The following BIN1 variants were observed in gnomAD, a reference collection of about 807,000 sequenced individuals.
BIN1 encodes bridging integrator 1.
A neutral mutation model predicts 82.0 loss-of-function variants in BIN1; 53 were observed. That is an observed-to-expected ratio of 0.65 (90% CI 0.52 to 0.81). The LOEUF is 0.81. Ranked by LOEUF, BIN1 falls within the 40% of genes least tolerant of loss-of-function variation. The pLI is 0.00. For missense variants in BIN1, 642 were observed against 784.4 expected (o/e 0.82, Z 2.17); for synonymous variants, 302 against 328.0 (o/e 0.92, Z 0.86).
rs974115762 is a variant in BIN1 at position 127,063,609 on chromosome 2, C to T, written c.736G>A (p.Ala246Thr). ...GFYVNTFQSIAGLEENFHKEM... is the reference protein window; with the variant it reads ...GFYVNTFQSITGLEENFHKEM... ...TTGTGGAAGTTTTCCTCCAGGCCCG[C>T]GATGCTCTGGAACGTGTTGACGTAG... is the stretch of plus-strand genomic sequence containing the variant. Residue 246 changes from alanine to threonine, a missense_variant, in exon 9 of 19, where the codon GCG becomes ACG. Physicochemically the swap from Ala to Thr is moderately conservative, Grantham distance 58. Transcript: ENST00000316724. The T allele has an allele frequency of 2.5e-6, 4 of 1,613,996 alleles. No individual in the cohort carries two copies. The highest frequency in any genetic ancestry group is 3.4e-6 in the Non-Finnish European group (4 of 1,179,974).
At chr2:127,085,531 T>G (rs1376257553) in intron 1 of BIN1, among the ~76,000 whole-genome samples, 5 of 150,946 alleles carry the variant, frequency 3.3e-5, no homozygotes, top group Non-Finnish European at 7.4e-5. Flanking sequence ...CTGGGCACAG[T>G]AGGAAAGTGG....
intron 14 of BIN1, 200 bp from the exon 15 acceptor site, chr2:127,052,562 G>A (rs1194334807): frequency 3.3e-6 from 2 of 598,184 alleles, no homozygotes; most frequent in Non-Finnish European, 6.0e-6. Context: ...AGGCAGGTGT[G>A]ACTGTGCTGC....
intron 15 of BIN1, 85 bp downstream of exon 15, chr2:127,052,170 G>T: frequency 7.2e-7 from 1 of 1,393,552 alleles, no homozygotes; most frequent in Non-Finnish European, 9.9e-7. Context: ...GGTCCCTCCT[G>T]CAACCCCTCC....
At chr2:127,069,931 G>T in intron 5 of BIN1, 64 bp downstream of exon 5, 2 of 1,542,434 alleles carry the variant, frequency 1.3e-6, no homozygotes, top group Non-Finnish European at 8.9e-7. Flanking sequence ...CACGTCCTAG[G>T]CCCTGTCCTC....
chr2:127,069,923 C>T (rs578076705), intron 5 of BIN1, 72 bp downstream of exon 5: 21 of 1,510,634 alleles, frequency 1.4e-5, no homozygotes, highest in African/African-American at 6.9e-5. Context: ...CTGAGCCGCA[C>T]GTCCTAGGCC....
intron 1 of BIN1, chr2:127,081,903 T>C: frequency 1.6e-6 from 2 of 1,276,154 alleles, no homozygotes; most frequent in Non-Finnish European, 2.0e-6. Flanking sequence ...GTCTCGCCCC[T>C]TCCTCCCAGC....
At position 127,048,537 on chromosome 2, in the gene BIN1, T is replaced by A; in HGVS notation, c.1771A>T (p.Arg591Trp). ...CCTGGGCCCCGCCGTCATGGGACCCTCTCAGTGAAGTTCTCGGGGAAGACG... is the reference window on the plus strand; with the variant it reads ...CCTGGGCCCCGCCGTCATGGGACCCACTCAGTGAAGTTCTCGGGGAAGACG... ...RGVFPENFTE[R>W]VP Residue 591 changes from arginine (R) to tryptophan (W), a missense_variant, in exon 19 of 19, where the codon AGG (arginine) becomes TGG (tryptophan). Physicochemically the swap from Arg to Trp is moderately radical, Grantham distance 101. Coordinates refer to ENST00000316724, the MANE Select transcript of BIN1 (RefSeq NM_139343.3). 6.2e-7 allele frequency: 1 copy of A among 1,613,850 alleles called. No homozygotes were observed. Among genetic ancestry groups the A allele is most frequent in the Non-Finnish European group, 8.5e-7 (1 of 1,179,984 alleles).
At chr2:127,087,609 C>T (rs1678349248) in intron 1 of BIN1, among the ~76,000 whole-genome samples, 1 of 152,198 alleles carries the variant, frequency 6.6e-6, no homozygotes, top group Admixed American at 6.5e-5. Flanking sequence ...GCCGGCGGGG[C>T]TGGACCAGCC....
chr2:127,089,633 G>A (rs550048110), intron 1 of BIN1, among the ~76,000 whole-genome samples: 18 of 152,124 alleles, frequency 1.2e-4, no homozygotes, highest in Middle Eastern at 6.8e-3. Context: ...ATCACACCCC[G>A]GCCCCACCCA....
At chr2:127,051,367 G>T in intron 15 of BIN1, 124 bp from the exon 16 acceptor site, 2 of 950,018 alleles carry the variant, frequency 2.1e-6, no homozygotes, top group South Asian at 1.4e-5. Context: ...CTGGCAGCAG[G>T]GTCTAGAGCT....
chr2:127,060,136 G>C (rs1332725718), intron 10 of BIN1, among the ~76,000 whole-genome samples: 1 of 152,206 alleles, frequency 6.6e-6, no homozygotes, highest in East Asian at 1.9e-4. Context: ...AACAGCGTAA[G>C]AGATGTCGCT....
At chr2:127,089,063 T>C (rs896479585) in intron 1 of BIN1, among the ~76,000 whole-genome samples, 6 of 152,052 alleles carry the variant, frequency 3.9e-5, no homozygotes, top group African/African-American at 1.5e-4. Context: ...CATAGCCTCA[T>C]GGTGGACCCC....
chr2:127,105,652 G>A (rs1401477992), intron 1 of BIN1, among the ~76,000 whole-genome samples: 5 of 152,120 alleles, frequency 3.3e-5, no homozygotes, highest in African/African-American at 1.2e-4. Flanking sequence ...GAAGCTCTAG[G>A]CGCCCCCCTC....
In BIN1 at chr2:127,082,054, C is replaced by T. The variant is rs1687364784; in HGVS notation, c.85-5348G>A. Among the ~76,000 whole-genome samples, 1 of 152,164 alleles carries T rather than the reference C, an allele frequency of 6.6e-6. No homozygotes were observed. Among genetic ancestry groups the T allele is most frequent in the Admixed American group, 6.5e-5 (1 of 15,286 alleles). ...GGAAGGCCACTGTCAGACACCCGGCCAGGCTTTCTCTGGGCCCAGTCCCGA... is the reference window on the plus strand; with the variant it reads ...GGAAGGCCACTGTCAGACACCCGGCTAGGCTTTCTCTGGGCCCAGTCCCGA... On this transcript the variant is annotated intron_variant, in intron 1 of 18. Coordinates refer to ENST00000316724, the MANE Select transcript of BIN1 (RefSeq NM_139343.3). The surrounding 1 kb of genome is among the most constrained non-coding windows in gnomAD (Gnocchi z 6.1).
intron 1 of BIN1, among the ~76,000 whole-genome samples, chr2:127,106,137 T>C (rs1681088149): frequency 6.6e-6 from 1 of 152,160 alleles, no homozygotes; most frequent in East Asian, 1.9e-4. Flanking sequence ...CACCCGGCCG[T>C]GGGCTCCCAA....
At chr2:127,056,845 A>G (rs3820759) in intron 12 of BIN1, among the ~76,000 whole-genome samples, 85,791 of 152,158 alleles carry the variant, frequency 0.56, 25,466 homozygotes, top group African/African-American at 0.77. Context: ...GCTGTGGGCC[A>G]GGCTCCCCAG....
intron 2 of BIN1, among the ~76,000 whole-genome samples, chr2:127,073,631 G>A (rs2105108967): frequency 1.3e-5 from 2 of 152,278 alleles, no homozygotes; most frequent in South Asian, 4.1e-4. Context: ...ACCCCCTCTG[G>A]CACCCCTCAG....
At chr2:127,087,764 C>T (rs536523417) in intron 1 of BIN1, among the ~76,000 whole-genome samples, 8 of 152,248 alleles carry the variant, frequency 5.3e-5, no homozygotes, top group South Asian at 2.1e-4. Context: ...AATCCGCACA[C>T]GGCCCACCGC....
In BIN1 at chr2:127,048,640, G is replaced by A. The variant is rs372449622; in HGVS notation, c.1675-7C>T. On this transcript the variant is annotated splice_polypyrimidine_tract_variant and splice_region_variant and intron_variant, in intron 18 of 18. Coordinates refer to ENST00000316724, the MANE Select transcript of BIN1 (RefSeq NM_139343.3). ...CCATGAGCCAGCCTTCATCCTGAGGGGCAGAGCACCAGGTCGCACAGGGAT... is the reference window on the plus strand; with the variant it reads ...CCATGAGCCAGCCTTCATCCTGAGGAGCAGAGCACCAGGTCGCACAGGGAT... 15 of 1,612,122 alleles carry A rather than the reference G, an allele frequency of 9.3e-6. No homozygotes were observed. The highest frequency in any genetic ancestry group is 3.9e-4 in the Middle Eastern group (2 of 5,072).
Sources: allele counts gnomAD v4.1 joint callset (sites outside exome capture counted in the v4.1 genomes callset), GRCh38; gene constraint gnomAD v4.1.1; non-coding constraint Gnocchi (gnomAD v3.1); transcripts MANE v1.5; gene names NCBI Gene and HGNC (gene_info 2026-07-23, HGNC 2026-07-21).